Variants in DAB1 observed in about 807,000 individuals in gnomAD.
DAB1 encodes DAB adaptor protein 1.
In DAB1, 15 loss-of-function variants were observed where a neutral mutation model predicts 64.6. The ratio of observed to expected loss-of-function variants is 0.23; its 90% CI spans 0.16 to 0.36. The LOEUF (loss-of-function observed/expected upper bound fraction) is 0.36. Ranked by LOEUF, DAB1 falls within the 10% of genes least tolerant of loss-of-function variation. The pLI is 1.00. For missense variants in DAB1, 596 were observed against 706.7 expected, an observed-to-expected ratio of 0.84 and a Z score of 1.78; for synonymous variants, 235 against 251.9, an observed-to-expected ratio of 0.93 and a Z score of 0.64.
chr1:57,824,691 A>G (rs1458965614), downstream of DAB1, among the ~76,000 whole-genome samples: 1 of 152,202 alleles, frequency 6.6e-6, no homozygotes, highest in East Asian at 1.9e-4. Context: ...GTAGCCTCTC[A>G]GAGAAAACAA....
At chr1:58,081,488 A>G (rs1475939537) in intron 5 of DAB1, among the ~76,000 whole-genome samples, 1 of 152,216 alleles carries the variant, frequency 6.6e-6, no homozygotes, top group African/African-American at 2.4e-5. Context: ...TGTGGAGGAA[A>G]CAGAGAAACT....
intron 3 of DAB1, among the ~76,000 whole-genome samples, chr1:58,452,534 G>T (rs1377478189): frequency 2.6e-5 from 4 of 151,774 alleles, no homozygotes; most frequent in African/African-American, 9.7e-5. Flanking sequence ...GCTAAACCAG[G>T]CGCAGTGGCT....
At chr1:57,736,046 TA>T (rs772134449) in intron 6 of DAB1, among the ~76,000 whole-genome samples, 2 of 151,914 alleles carry the variant, frequency 1.3e-5, no homozygotes, top group East Asian at 3.9e-4. Context: ...TATCTAAGTT[TA>T]AAAAAAAGAA....
At chr1:57,137,289 G>A (rs1017106507) in intron 3 of DAB1, among the ~76,000 whole-genome samples, 3 of 152,078 alleles carry the variant, frequency 2.0e-5, no homozygotes, top group Non-Finnish European at 2.9e-5. Context: ...TTTATAAGCC[G>A]AAGATATGTC....
chr1:58,365,062 A>G (rs1047989712), intron 3 of DAB1, among the ~76,000 whole-genome samples: 1 of 152,228 alleles, frequency 6.6e-6, no homozygotes. Flanking sequence ...CTCGTTGCGT[A>G]GAAGTTACCC....
chr1:58,018,586 A>C (rs1646775276), intron 5 of DAB1, among the ~76,000 whole-genome samples: 1 of 152,232 alleles, frequency 6.6e-6, no homozygotes, highest in Non-Finnish European at 1.5e-5. Flanking sequence ...GGAACCTTAG[A>C]GATTTATCTG....
chr1:57,724,215 G>A (rs991219780), intron 6 of DAB1, among the ~76,000 whole-genome samples: 7 of 149,220 alleles, frequency 4.7e-5, no homozygotes, highest in Non-Finnish European at 8.9e-5. Flanking sequence ...GAGCTGTTGC[G>A]GATCAAGATG....
At chr1:58,496,770 A>C (rs1645810191) in intron 3 of DAB1, among the ~76,000 whole-genome samples, 1 of 152,184 alleles carries the variant, frequency 6.6e-6, no homozygotes, top group Non-Finnish European at 1.5e-5. Flanking sequence ...AATAAGATAA[A>C]AGTGTCTGCA....
At chr1:57,009,117 G>A (rs1293395493) in intron 14 of DAB1, among the ~76,000 whole-genome samples, 1 of 152,168 alleles carries the variant, frequency 6.6e-6, no homozygotes, top group East Asian at 1.9e-4. Flanking sequence ...TCAATTTTAG[G>A]ATGATGTTTG....
At chr1:57,063,851 C>T (rs2100572469) in intron 8 of DAB1, among the ~76,000 whole-genome samples, 1 of 152,306 alleles carries the variant, frequency 6.6e-6, no homozygotes. Flanking sequence ...CAAGGGTTTT[C>T]ACTGAAAGAT....
chr1:57,892,204 C>T (rs1304902528), intron 5 of DAB1, among the ~76,000 whole-genome samples: 1 of 152,130 alleles, frequency 6.6e-6, no homozygotes, highest in Non-Finnish European at 1.5e-5. Context: ...ATCGTCCCAC[C>T]TAGCTCGTCC....
intron 4 of DAB1, among the ~76,000 whole-genome samples, chr1:58,288,016 C>A (rs1661727358): frequency 1.5e-5 from 1 of 66,060 alleles, no homozygotes; most frequent in African/African-American, 7.6e-5. Flanking sequence ...AGCAAGACTG[C>A]CTCAAAAAAA....
intron 7 of DAB1, among the ~76,000 whole-genome samples, chr1:57,467,955 A>T (rs1687010080): frequency 1.3e-5 from 2 of 152,160 alleles, no homozygotes; most frequent in South Asian, 4.1e-4. Context: ...TTGAGCTCAG[A>T]ACATAGAGAG....
intron 3 of DAB1, among the ~76,000 whole-genome samples, chr1:58,360,495 GC>G (rs1409482987): frequency 6.6e-6 from 1 of 152,126 alleles, no homozygotes; most frequent in Non-Finnish European, 1.5e-5. Flanking sequence ...GTCCGTTCTT[GC>G]CGCCTTTTCA....
At chr1:57,342,752 G>A (rs935821229) in intron 1 of DAB1, among the ~76,000 whole-genome samples, 14 of 152,158 alleles carry the variant, frequency 9.2e-5, no homozygotes, top group Non-Finnish European at 1.8e-4. Context: ...GGTCTCGCTG[G>A]CTCAGGAGTG....
At chr1:58,216,018 T>C (rs1557699116) in intron 4 of DAB1, among the ~76,000 whole-genome samples, 1 of 152,130 alleles carries the variant, frequency 6.6e-6, no homozygotes, top group Non-Finnish European at 1.5e-5. Context: ...GATGGATGGA[T>C]TGCAACTCTT....
chr1:58,034,824 A>G lies in DAB1; in HGVS notation n.387+115687T>C, dbSNP rs569778761. On this transcript the variant is annotated intron_variant and non_coding_transcript_variant, in intron 5 of 20. Transcript: ENST00000485760. ...ACCCTCTTCCCCCTTCTAAAATCCA[A>G]AAAGAATGAAAACCGAGGTTGTCAT... Among the ~76,000 whole-genome samples the G allele has an allele frequency of 3.3e-5, 5 of 152,260 alleles. No individual in the cohort carries two copies. In the South Asian group the frequency reaches 1.0e-3, roughly 32 times the overall value.
At chr1:58,173,702 C>T (rs906428180) in intron 4 of DAB1, among the ~76,000 whole-genome samples, 8 of 152,178 alleles carry the variant, frequency 5.3e-5, no homozygotes, top group African/African-American at 7.2e-5. Flanking sequence ...TTAACATACA[C>T]AACCAGTTCT....
Position 57,420,909 on chromosome 1 carries a change from C to G in DAB1, c.-137+3021G>C, listed in dbSNP as rs554135913. ...ATTTATGCTATTTTTAAAGTGCCAT[C>G]TAAGAGACATAAACTGTGATTTTCT... On this transcript the variant is annotated intron_variant, in intron 1 of 14. Transcript: ENST00000371236. Among the ~76,000 whole-genome samples, 8 of 152,290 alleles carry G rather than the reference C, an allele frequency of 5.3e-5. No homozygotes were observed. In the East Asian group the frequency reaches 1.2e-3, roughly 22 times the overall value.
Sources: allele counts gnomAD v4.1 joint callset (sites outside exome capture counted in the v4.1 genomes callset), GRCh38; gene constraint gnomAD v4.1.1; transcripts MANE v1.5; gene names NCBI Gene and HGNC (gene_info 2026-07-23, HGNC 2026-07-21).